Variants in INSYN2A observed in about 807,000 individuals in gnomAD.
INSYN2A encodes inhibitory synaptic factor 2A, also known as family with sequence similarity 196 member A.
Under a neutral mutation model 39.4 loss-of-function variants are expected in INSYN2A, and 17 were observed. That is an observed-to-expected ratio of 0.43 (90% CI 0.30 to 0.65). The LOEUF (loss-of-function observed/expected upper bound fraction) is 0.65, where lower values mean the gene tolerates loss of function less well. INSYN2A is among the 30% of genes least tolerant of loss of function. The probability of loss-of-function intolerance (pLI) is 0.14; values close to 1 mark genes in which losing one functional copy is unlikely to be tolerated. For missense variants in INSYN2A, 595 were observed against 631.2 expected, an observed-to-expected ratio of 0.94 and a Z score of 0.61; for synonymous variants, 255 against 265.7, an observed-to-expected ratio of 0.96 and a Z score of 0.39.
Position 127,196,506 on chromosome 10 carries a change from G to A in INSYN2A, c.-904C>T, listed in dbSNP as rs929915628. 2.7e-5 allele frequency among the ~76,000 whole-genome samples: 4 copies of A among 148,226 alleles called. No individual in the cohort carries two copies. The highest frequency in any genetic ancestry group is 9.7e-5 in the African/African-American group (4 of 41,072). ...CTGCTCCAGGTCCCAGCTACTCCGC[G>A]GAGCCGGGCGGCCAGAGGCGAGGGC... On this transcript the variant is annotated 5_prime_UTR_variant, in exon 1 of 6. Coordinates refer to ENST00000522781, the MANE Select transcript of INSYN2A (RefSeq NM_001039762.3).
Position 127,196,261 on chromosome 10 carries a change from G to A in INSYN2A, c.-659C>T, listed in dbSNP as rs1181549174. 2.0e-5 allele frequency: 3 copies of A among 148,608 alleles called. No individual in the cohort carries two copies. Among genetic ancestry groups the A allele is most frequent in the Non-Finnish European group, 3.0e-5 (2 of 66,950 alleles). The allele number at this position is 148,608 out of a possible 1,614,324, so 9.2% of individuals were successfully genotyped here. ...CAGCTCGCGTCGCTCGCGTCCCTCCGGCCCCGCTTAGCGACGCGCGCGGGG... is the reference window on the plus strand; with the variant it reads ...CAGCTCGCGTCGCTCGCGTCCCTCCAGCCCCGCTTAGCGACGCGCGCGGGG... On this transcript the variant is annotated 5_prime_UTR_variant, in exon 1 of 6. Coordinates refer to ENST00000522781, the MANE Select transcript of INSYN2A (RefSeq NM_001039762.3).
At chr10:127,184,890 A>G (rs1401050958) in intron 2 of INSYN2A, among the ~76,000 whole-genome samples, 2 of 152,190 alleles carry the variant, frequency 1.3e-5, no homozygotes, top group Non-Finnish European at 2.9e-5. Flanking sequence ...TGAACAGTGC[A>G]TGCCTGGGGT....
rs2050689229 is a variant in INSYN2A at position 127,136,273 on chromosome 10, A to C, written c.*1564T>G. ...TAGAACTAAAACAGATTTGCTGTTG[A>C]GTCAGGAGGAAAATACATGGCAAGA... On this transcript the variant is annotated 3_prime_UTR_variant, in exon 6 of 6. Transcript: ENST00000522781. The C allele has an allele frequency of 6.6e-6, 1 of 152,152 alleles. No homozygotes were observed. Among genetic ancestry groups the C allele is most frequent in the Non-Finnish European group, 1.5e-5 (1 of 68,034 alleles). The allele number at this position is 152,152 out of a possible 1,614,324, so 9.4% of individuals were successfully genotyped here.
intron 2 of INSYN2A, among the ~76,000 whole-genome samples, chr10:127,183,211 A>G (rs891536247): frequency 2.0e-5 from 3 of 151,194 alleles, no homozygotes; most frequent in East Asian, 1.9e-4. Flanking sequence ...GACACTTCCC[A>G]GTCTTATTTG....
At chr10:127,164,332 C>T (rs961380443) in intron 4 of INSYN2A, among the ~76,000 whole-genome samples, 4 of 151,642 alleles carry the variant, frequency 2.6e-5, no homozygotes, top group South Asian at 2.1e-4. Flanking sequence ...TACAGGTGCC[C>T]GCCACCACAC....
chr10:127,176,325 A>G lies in INSYN2A; in HGVS notation c.71T>C (p.Leu24Pro), dbSNP rs1358589416. The change falls in exon 4 of 6, where the codon CTG (leucine) becomes CCG (proline). Residue 24 changes from leucine to proline, a missense_variant. This residue lies in a region of INSYN2A where 478 missense variants were observed against 467.4 expected (regional missense o/e 1.02). Coordinates refer to ENST00000522781, the MANE Select transcript of INSYN2A (RefSeq NM_001039762.3). The surrounding 1 kb of genome is among the most constrained non-coding windows in gnomAD (Gnocchi z 4.4). ...CAGGGCGTATTTCATCTCCAGGGCC[A>G]GGCAGGCGGCGGGTTCCACTTCACT... ...SESEVEPAAC[L>P]ALEMKYALDP... 1.2e-6 allele frequency: 2 copies of G among 1,613,982 alleles called. No individual in the cohort carries two copies. Among genetic ancestry groups the G allele is most frequent in the East Asian group, 2.2e-5 (1 of 44,868 alleles).
chr10:127,170,959 A>C (rs893319190), intron 4 of INSYN2A, among the ~76,000 whole-genome samples: 1 of 152,216 alleles, frequency 6.6e-6, no homozygotes, highest in Middle Eastern at 3.2e-3. Context: ...GTGATTTTGC[A>C]TACTTTTTGC....
At chr10:127,147,572 A>G (rs2052011900) in intron 5 of INSYN2A, among the ~76,000 whole-genome samples, 1 of 152,068 alleles carries the variant, frequency 6.6e-6, no homozygotes, top group Non-Finnish European at 1.5e-5. Context: ...GGTAAGGGGC[A>G]TGCATGGAGG....
chr10:127,141,150 C>T (rs1433074342), intron 5 of INSYN2A, among the ~76,000 whole-genome samples: 3 of 152,208 alleles, frequency 2.0e-5, no homozygotes, highest in Non-Finnish European at 2.9e-5. Flanking sequence ...TCCACATAAC[C>T]TCCTTGTTGT....
chr10:127,149,260 A>G (rs1242262550), intron 5 of INSYN2A, among the ~76,000 whole-genome samples: 7 of 151,528 alleles, frequency 4.6e-5, no homozygotes, highest in Admixed American at 4.6e-4. Context: ...CACCCCACCC[A>G]AGAGAGAGGG....
rs562859812 is a variant in INSYN2A at position 127,188,387 on chromosome 10, T to A, written c.-269+4218A>T. 5.9e-5 allele frequency among the ~76,000 whole-genome samples: 9 copies of A among 152,322 alleles called. No homozygotes were observed. In the South Asian group the frequency reaches 6.2e-4, roughly 11 times the overall value. On this transcript the variant is annotated intron_variant, in intron 2 of 5. Coordinates refer to ENST00000522781, the MANE Select transcript of INSYN2A (RefSeq NM_001039762.3). ...AATAGGGCATATTCACACTTTTTTTTATGTATATATATTTCTGGTTGGAGA... is the reference window on the plus strand; with the variant it reads ...AATAGGGCATATTCACACTTTTTTTAATGTATATATATTTCTGGTTGGAGA...
Position 127,138,011 on chromosome 10 carries a change from C to T in INSYN2A, c.1266G>A (p.Leu422=). The change falls in exon 6 of 6, where the codon CTG becomes CTA. Residue 422 remains leucine, a synonymous_variant. Transcript: ENST00000522781. ...NSACIIYSVE[L]DFKQQEDKLQ... is the part of the protein sequence containing the mutation. ...GTTTGTCTTCTTGCTGCTTAAAATCCAGCTCCACACTAGAAAAGAGAGAGA... is the reference window on the plus strand; with the variant it reads ...GTTTGTCTTCTTGCTGCTTAAAATCTAGCTCCACACTAGAAAAGAGAGAGA... 6.2e-7 allele frequency: 1 copy of T among 1,608,410 alleles called. No homozygotes were observed. Among genetic ancestry groups the T allele is most frequent in the African/African-American group, 1.3e-5 (1 of 74,472 alleles).
chr10:127,158,231 A>C (rs2053266356), intron 4 of INSYN2A, among the ~76,000 whole-genome samples: 4 of 152,260 alleles, frequency 2.6e-5, no homozygotes. Context: ...CACATCAGAA[A>C]ACAGTACTTT....
intron 2 of INSYN2A, among the ~76,000 whole-genome samples, chr10:127,183,647 C>T (rs1015478076): frequency 6.6e-6 from 1 of 152,120 alleles, no homozygotes; most frequent in Non-Finnish European, 1.5e-5. Context: ...CAGTTCATGG[C>T]CTAGTCTGAA....
chr10:127,184,030 G>A (rs1263015104), intron 2 of INSYN2A, among the ~76,000 whole-genome samples: 1 of 152,138 alleles, frequency 6.6e-6, no homozygotes. Context: ...AAACTTGGCA[G>A]TGTCTCTGGT....
intron 1 of INSYN2A, among the ~76,000 whole-genome samples, chr10:127,193,403 G>A (rs2056886333): frequency 6.6e-6 from 1 of 152,144 alleles, no homozygotes; most frequent in Non-Finnish European, 1.5e-5. Context: ...TAAAATCCGT[G>A]GTGAACCTGT....
chr10:127,187,779 A>G (rs994582085), intron 2 of INSYN2A, among the ~76,000 whole-genome samples: 5 of 151,726 alleles, frequency 3.3e-5, no homozygotes, highest in Non-Finnish European at 7.4e-5. Context: ...AAGAGAGAGA[A>G]AAGCAAGCAA....
chr10:127,138,955 C>T (rs536587230), intron 5 of INSYN2A, among the ~76,000 whole-genome samples: 1 of 152,338 alleles, frequency 6.6e-6, no homozygotes, highest in South Asian at 2.1e-4. Flanking sequence ...GACCCCCGGT[C>T]CATGCATCGT....
chr10:127,175,174 C>A lies in INSYN2A; in HGVS notation c.1184+38G>T. 6.5e-7 allele frequency: 1 copy of A among 1,540,032 alleles called. No individual in the cohort carries two copies. The highest frequency in any genetic ancestry group is 1.2e-5 in the South Asian group (1 of 82,158). On this transcript the variant is annotated intron_variant, in intron 4 of 5. Transcript: ENST00000522781. This position sits in a 1 kb window ranked among gnomAD's most constrained non-coding sequence, Gnocchi z 6.3. Reference sequence around the variant, plus strand: ...TACAGATGGACTCTGTGGTGATCAGCCTGCATAGCTTCCTAAGACATGGGT... The same window carrying A: ...TACAGATGGACTCTGTGGTGATCAGACTGCATAGCTTCCTAAGACATGGGT...
Sources: gnomAD v4.1 joint callset for allele counts (sites outside exome capture counted in the v4.1 genomes callset) on GRCh38, gnomAD v4.1.1 for gene constraint, gnomAD v4.1.1 regional missense constraint, Gnocchi (gnomAD v3.1) non-coding constraint, MANE v1.5 for transcripts, NCBI Gene and HGNC (gene_info 2026-07-23, HGNC 2026-07-21) for gene names.